The following ZNF468 variants were observed in gnomAD, a reference collection of about 807,000 sequenced individuals.
ZNF468 encodes zinc finger protein 468, also known as zinc finger protein ZNF468.
ZNF468 carries 8 observed loss-of-function variants against 7.2 expected under a neutral mutation model. The observed-to-expected ratio is 1.11, with a 90% CI of 0.65 to 2.01. The LOEUF is 2.01. ZNF468 is among the 30% of genes most tolerant of loss of function. ZNF468 has a pLI of 0.00. For missense variants in ZNF468, 608 were observed against 626.5 expected (o/e 0.97, Z 0.31); for synonymous variants, 218 against 214.4 (o/e 1.02, Z -0.15).
At chr19:52,855,146 C>T (rs940725005) in intron 1 of ZNF468, among the ~76,000 whole-genome samples, 2 of 150,758 alleles carry the variant, frequency 1.3e-5, no homozygotes, top group African/African-American at 2.4e-5. Context: ...AGACTGCACT[C>T]ACAGCCCGGA....
chr19:52,854,135 A>C (rs1163125539), intron 2 of ZNF468, 123 bp downstream of exon 2: 1 of 1,591,632 alleles, frequency 6.3e-7, no homozygotes, highest in Non-Finnish European at 8.6e-7. Context: ...GACTGAAGGA[A>C]GGCATAAGTG....
At position 52,840,144 on chromosome 19, in the gene ZNF468, TCTC is replaced by T. The variant is rs1018134963; in HGVS notation, c.*578_*580del. 3.1e-5 allele frequency: 14 copies of T among 447,622 alleles called. No homozygotes were observed. The highest frequency in any genetic ancestry group is 3.7e-4 in the Middle Eastern group (1 of 2,718). 27.7% of individuals were successfully genotyped at this position (447,622 alleles called of 1,614,324 possible). A position where few individuals can be genotyped will look rare whatever the true frequency, so the allele number is the denominator to read the frequency against. On this transcript the variant is annotated 3_prime_UTR_variant, in exon 4 of 4. Coordinates refer to ENST00000595646, the MANE Select transcript of ZNF468 (RefSeq NM_001008801.2). Reference sequence around the variant, plus strand: ...TCTATGGCTTTTCTCCAGTGTGAATTCTCCTATGTATTTGAAGCTGGATTTGTG... The same window carrying T: ...TCTATGGCTTTTCTCCAGTGTGAATTCTATGTATTTGAAGCTGGATTTGTG...
chr19:52,845,281 A>G (rs73069429), intron 3 of ZNF468: 13,102 of 151,816 alleles, frequency 0.086, 576 homozygotes, highest in South Asian at 0.097. Context: ...TTTAGCCGGG[A>G]TGACAGACCA....
At chr19:52,854,485 A>G (rs2063419222) in intron 1 of ZNF468, 140 bp from the exon 2 acceptor site, 1 of 912,216 alleles carries the variant, frequency 1.1e-6, no homozygotes, top group Admixed American at 2.9e-5. Context: ...AAAAATTCCT[A>G]CAGGAAAACT....
At position 52,838,682 on chromosome 19, in the gene ZNF468, A is replaced by G. The variant is rs1330791224; in HGVS notation, c.*2043T>C. On this transcript the variant is annotated 3_prime_UTR_variant, in exon 4 of 4. Transcript: ENST00000595646. ...AATAACAGCACCAAAAATTAGTTGA[A>G]TTTCCATACATTAACAATAAATAAT... 1 of 152,206 alleles carries G rather than the reference A, an allele frequency of 6.6e-6. No homozygotes were observed. The highest frequency in any genetic ancestry group is 2.4e-5 in the African/African-American group (1 of 41,454). 9.4% of individuals were successfully genotyped at this position (152,206 alleles called of 1,614,324 possible).
In ZNF468 at chr19:52,840,781, T is replaced by C. The variant is rs898698920; in HGVS notation, c.1513A>G (p.Ser505Gly). ...TGGTATACAAGGGATGACATCTGAC[T>C]GAAGGTCTTGCCACACTCATTACAC... ...YKCNECGKTF[S>G]QMSSLVYHHR... The change falls in exon 4 of 4, where the codon AGT becomes GGT. Residue 505 changes from serine to glycine, a missense_variant. Physicochemically the swap from Ser to Gly is moderately conservative, Grantham distance 56. Coordinates refer to ENST00000595646, the MANE Select transcript of ZNF468 (RefSeq NM_001008801.2). The C allele has an allele frequency of 1.2e-6, 2 of 1,613,314 alleles. No individual in the cohort carries two copies. Among genetic ancestry groups the C allele is most frequent in the Admixed American group, 1.7e-5 (1 of 59,946 alleles).
At chr19:52,855,430 TG>T (rs2063428752) in intron 1 of ZNF468, among the ~76,000 whole-genome samples, 1 of 152,196 alleles carries the variant, frequency 6.6e-6, no homozygotes, top group Non-Finnish European at 1.5e-5. Flanking sequence ...CAAATGTGAC[TG>T]GGGCAGAGGG....
In ZNF468 at chr19:52,839,390, T is replaced by C; in HGVS notation, c.*1335A>G. 1 of 256,646 alleles carries C rather than the reference T, an allele frequency of 3.9e-6. No individual in the cohort carries two copies. Among genetic ancestry groups the C allele is most frequent in the Non-Finnish European group, 7.8e-6 (1 of 128,482 alleles). 15.9% of individuals were successfully genotyped at this position (256,646 alleles called of 1,614,324 possible). A position where few individuals can be genotyped will look rare whatever the true frequency, so the allele number is the denominator to read the frequency against. ...GTGCTGGAATTACAGGCATGAGCCA[T>C]GGCCCCCAGTGCAATCCTCTTAACA... On this transcript the variant is annotated 3_prime_UTR_variant, in exon 4 of 4. Coordinates refer to ENST00000595646, the MANE Select transcript of ZNF468 (RefSeq NM_001008801.2).
rs1056253527 is a variant in ZNF468 at position 52,853,993 on chromosome 19, G to A, written c.15+265C>T. 2.7e-6 allele frequency: 4 copies of A among 1,479,206 alleles called. No homozygotes were observed. The Admixed American group carries it at 6.8e-5, about 25-fold the overall frequency. The allele number at this position is 1,479,206 out of a possible 1,614,324, so 91.6% of individuals were successfully genotyped here. A position where few individuals can be genotyped will look rare whatever the true frequency, so the allele number is the denominator to read the frequency against. ...ACAATCCCTGCTGCCCAAGAGCACTGACACCACAGGACCCTCACCCCGTGT... is the reference window on the plus strand; with the variant it reads ...ACAATCCCTGCTGCCCAAGAGCACTAACACCACAGGACCCTCACCCCGTGT... On this transcript the variant is annotated intron_variant, in intron 2 of 3. Transcript: ENST00000595646.
chr19:52,850,878 G>C (rs536313890), intron 2 of ZNF468, among the ~76,000 whole-genome samples: 6 of 151,064 alleles, frequency 4.0e-5, no homozygotes, highest in Middle Eastern at 3.4e-3. Flanking sequence ...CAGCCTGGGC[G>C]ACAGAGCGAG....
chr19:52,841,509 C>T lies in ZNF468; in HGVS notation c.785G>A (p.Arg262His), dbSNP rs372954739. Residue 262 changes from arginine to histidine, a missense_variant, in exon 4 of 4, where the codon CGT becomes CAT. Transcript: ENST00000595646. ...FNQKRYLACH[R>H]RCHTGEKPYK... is the part of the protein sequence containing the mutation. ...AGGTTTCTCACCAGTGTGACATCTA[C>T]GATGGCAGGCAAGGTATCGCTTCTG... 14 of 1,614,098 alleles carry T rather than the reference C, an allele frequency of 8.7e-6. No homozygotes were observed. The highest frequency in any genetic ancestry group is 1.6e-4 in the Middle Eastern group (1 of 6,062).
chr19:52,848,205 G>C (rs1890458114), intron 3 of ZNF468, among the ~76,000 whole-genome samples: 1 of 152,110 alleles, frequency 6.6e-6, no homozygotes, highest in African/African-American at 2.4e-5. Flanking sequence ...CCACCCATCT[G>C]GATTTTTTTT....
intron 1 of ZNF468, among the ~76,000 whole-genome samples, chr19:52,855,687 C>CT (rs66517452): frequency 1.5e-3 from 175 of 119,938 alleles, no homozygotes; most frequent in East Asian, 7.4e-3. Flanking sequence ...CATTCTTCTG[C>CT]TTTTTTTTTT....
rs1377872455 is a variant in ZNF468 at position 52,838,527 on chromosome 19, C to T, written c.*2198G>A. The T allele has an allele frequency of 1.3e-5, 2 of 152,076 alleles. No homozygotes were observed. The highest frequency in any genetic ancestry group is 2.9e-5 in the Non-Finnish European group (2 of 68,028). The allele number at this position is 152,076 out of a possible 1,614,324, so 9.4% of individuals were successfully genotyped here. ...AAATAGCAAAAGAAATCAAACTCAT[C>T]CAAATCAGAAAGAAAGAAGTCAAAT... On this transcript the variant is annotated 3_prime_UTR_variant, in exon 4 of 4. Transcript: ENST00000595646.
At chr19:52,848,360 T>C (rs1392532737) in intron 3 of ZNF468, among the ~76,000 whole-genome samples, 2 of 152,056 alleles carry the variant, frequency 1.3e-5, no homozygotes, top group Non-Finnish European at 2.9e-5. Context: ...TAGGTTTCAG[T>C]AGGAAAGAAG....
intron 3 of ZNF468, among the ~76,000 whole-genome samples, chr19:52,846,925 C>A (rs1247401804): frequency 1.3e-5 from 2 of 151,944 alleles, no homozygotes; most frequent in African/African-American, 4.8e-5. Flanking sequence ...CCTTTGAGCC[C>A]GGGAGGCGGA....
chr19:52,856,352 C>T (rs1222331759), intron 1 of ZNF468, among the ~76,000 whole-genome samples: 1 of 152,090 alleles, frequency 6.6e-6, no homozygotes, highest in East Asian at 1.9e-4. Flanking sequence ...GAAACCCTAT[C>T]TCTACTAGAA....
At position 52,841,639 on chromosome 19, in the gene ZNF468, G is replaced by A. The variant is rs746796681; in HGVS notation, c.655C>T (p.Gln219Ter). 3.2e-5 allele frequency: 52 copies of A among 1,613,990 alleles called. No homozygotes were observed. The East Asian group carries it at 8.9e-4, about 28-fold the overall frequency. Residue 219 changes from glutamine (Q) to a stop codon, truncating the protein, a stop_gained, in exon 4 of 4, where the codon CAG becomes TAG. Transcript: ENST00000595646. LOFTEE classifies it low-confidence loss of function (END_TRUNC). ...CTGCAATTAAAGGATTTGAAGCTCT[G>A]TATACATTCAAAAGATTTTTCTCTC... Reference protein sequence around the residue: ...HMREKSFECIQSFKSFNCSSL... With the variant: ...HMREKSFECI
At position 52,854,442 on chromosome 19, in the gene ZNF468, C is replaced by A. The variant is rs184391955; in HGVS notation, c.-73-97G>T. ...ATAGGAGACCTCACCCTGGGAAATACGGTCCCCTCTGCTGCCCACTGCACA... is the reference window on the plus strand; with the variant it reads ...ATAGGAGACCTCACCCTGGGAAATAAGGTCCCCTCTGCTGCCCACTGCACA... On this transcript the variant is annotated intron_variant, in intron 1 of 3. Coordinates refer to ENST00000595646, the MANE Select transcript of ZNF468 (RefSeq NM_001008801.2). The A allele has an allele frequency of 4.4e-4, 554 of 1,264,628 alleles. 1 individual carries two copies. In the African/African-American group the frequency reaches 7.7e-3, roughly 18 times the overall value. 78.3% of individuals were successfully genotyped at this position (1,264,628 alleles called of 1,614,324 possible).
Sources: allele counts gnomAD v4.1 joint callset (sites outside exome capture counted in the v4.1 genomes callset), GRCh38; gene constraint gnomAD v4.1.1; transcripts MANE v1.5; gene names NCBI Gene and HGNC (gene_info 2026-07-23, HGNC 2026-07-21).